PRRT3: variants seen among roughly 807,000 people sequenced by gnomAD.
PRRT3 encodes the protein proline-rich transmembrane protein 3.
In PRRT3, 48 loss-of-function variants were observed where a neutral mutation model predicts 56.6. The observed-to-expected ratio is 0.85, with a 90% CI of 0.67 to 1.08. The LOEUF is 1.08. PRRT3 is among the 50% of genes least tolerant of loss of function. The pLI is 0.00. For missense variants in PRRT3, 1,370 were observed against 1,353.1 expected (o/e 1.01, Z -0.20); for synonymous variants, 641 against 619.1 (o/e 1.04, Z -0.52).
rs940220768 is a variant in PRRT3 at position 9,949,851 on chromosome 3, C to T, written c.265G>A (p.Ala89Thr). Residue 89 changes from alanine (A) to threonine (T), a missense_variant, in exon 2 of 4, where the codon GCC becomes ACC. Coordinates refer to ENST00000412055, the MANE Select transcript of PRRT3 (RefSeq NM_207351.5). This position sits in a 1 kb window ranked among gnomAD's most constrained non-coding sequence, Gnocchi z 4.5. ...PAEEMPEKPV[A>T]SPLGPALYGP... ...TACAGGGCTGGGCCAAGGGGAGAGG[C>T]TACAGGCTTCTCAGGCATCTCTTCA... 9 of 1,613,546 alleles carry T rather than the reference C, an allele frequency of 5.6e-6. No individual in the cohort carries two copies. The African/African-American group carries it at 9.3e-5, about 17-fold the overall frequency.
intron 1 of PRRT3, among the ~76,000 whole-genome samples, chr3:9,951,834 A>G (rs2085624090): frequency 6.6e-6 from 1 of 152,226 alleles, no homozygotes; most frequent in African/African-American, 2.4e-5. Context: ...CACACAGCTG[A>G]GTGGACACAA....
chr3:9,946,075 T>A lies in PRRT3; in HGVS notation c.*152A>T, dbSNP rs7638451. The A allele has an allele frequency of 0.018, 21,256 of 1,177,240 alleles. 1,863 individuals are homozygous for A. In the African/African-American group the frequency reaches 0.23, roughly 13 times the overall value. 72.9% of individuals were successfully genotyped at this position (1,177,240 alleles called of 1,614,324 possible). A position where few individuals can be genotyped will look rare whatever the true frequency, so the allele number is the denominator to read the frequency against. On this transcript the variant is annotated 3_prime_UTR_variant, in exon 4 of 4. Transcript: ENST00000412055. This position sits in a 1 kb window ranked among gnomAD's most constrained non-coding sequence, Gnocchi z 4.1. The stretch of plus-strand genomic sequence containing the variant: ...CTGATCTCGAACTCCTGACCTCGTG[T>A]TCCACCCACCTCGGCCTCCCAAAGT...
At chr3:9,952,300 C>T (rs2085632283) in intron 1 of PRRT3, 22 bp downstream of exon 1, 1 of 152,398 alleles carries the variant, frequency 6.6e-6, no homozygotes, top group South Asian at 2.1e-4. Context: ...GCCATCGCCC[C>T]CTCCCTGGGC....
intron 1 of PRRT3, among the ~76,000 whole-genome samples, chr3:9,951,312 C>T (rs954171208): frequency 6.6e-6 from 1 of 152,114 alleles, no homozygotes; most frequent in African/African-American, 2.4e-5. Context: ...CGGCAGAGGC[C>T]CTGCTCTTTT....
At position 9,950,075 on chromosome 3, in the gene PRRT3, A is replaced by G; in HGVS notation, c.41T>C (p.Leu14Pro). 6.6e-7 allele frequency: 1 copy of G among 1,509,104 alleles called. No individual in the cohort carries two copies. The highest frequency in any genetic ancestry group is 8.8e-7 in the Non-Finnish European group (1 of 1,131,292). The allele number at this position is 1,509,104 out of a possible 1,614,324, so 93.5% of individuals were successfully genotyped here. ...SPWGCVCGLL[L>P]LLLPLLGTGP... The stretch of plus-strand genomic sequence containing the variant: ...AGTCCCCAGGAGTGGCAGCAGCAAC[A>G]GCAGAAGGCCACATACACAGCCCCA... Residue 14 changes from leucine (L) to proline (P), a missense_variant, in exon 2 of 4, where the codon CTG becomes CCG. Physicochemically the swap from Leu to Pro is moderately conservative, Grantham distance 98. Transcript: ENST00000412055.
chr3:9,949,190 T>G lies in PRRT3; in HGVS notation c.926A>C (p.Gln309Pro). ...EVSSPGPPPK[Q>P]ADLPDAKDSP... ...ATCCTTAGCGTCAGGAAGGTCAGCC[T>G]GCTTGGGCGGGGGACCTGGGGAGCT... Residue 309 changes from glutamine (Q) to proline (P), a missense_variant, in exon 2 of 4, where the codon CAG becomes CCG. By Grantham distance (76) the Gln-to-Pro change is moderately conservative (BLOSUM62 -1). Coordinates refer to ENST00000412055, the MANE Select transcript of PRRT3 (RefSeq NM_207351.5). This position sits in a 1 kb window ranked among gnomAD's most constrained non-coding sequence, Gnocchi z 4.5. 6.2e-7 allele frequency: 1 copy of G among 1,611,864 alleles called. No homozygotes were observed.
Position 9,950,190 on chromosome 3 carries a change from C to G in PRRT3, c.-57-18G>C. ...GGATGAGCCTAAAAAAAAAACAGGG[C>G]ATGGAATGACATGTGAGGGCTGGGG... On this transcript the variant is annotated intron_variant, in intron 1 of 3. Transcript: ENST00000412055. 2.4e-6 allele frequency: 3 copies of G among 1,250,878 alleles called. No individual in the cohort carries two copies. The highest frequency in any genetic ancestry group is 3.1e-6 in the Non-Finnish European group (3 of 974,630). The allele number at this position is 1,250,878 out of a possible 1,614,324, so 77.5% of individuals were successfully genotyped here. A position where few individuals can be genotyped will look rare whatever the true frequency, so the allele number is the denominator to read the frequency against.
chr3:9,949,713 C>G lies in PRRT3; in HGVS notation c.403G>C (p.Glu135Gln). The change falls in exon 2 of 4, where the codon GAG becomes CAG. Residue 135 changes from glutamate (E) to glutamine (Q), a missense_variant. Glu to Gln is a conservative substitution (Grantham distance 29). Transcript: ENST00000412055. The surrounding 1 kb of genome is among the most constrained non-coding windows in gnomAD (Gnocchi z 4.5). Reference sequence around the variant, plus strand: ...GCCACTGCTTCTTGCTGCAGAAGCTCTTGTGAGTCCAGAGGTCCTGTCCAG... The same window carrying G: ...GCCACTGCTTCTTGCTGCAGAAGCTGTTGTGAGTCCAGAGGTCCTGTCCAG... ...HGWTGPLDSQ[E>Q]LLQQEAVAPH... is the part of the protein sequence containing the mutation. 1.2e-6 allele frequency: 2 copies of G among 1,614,120 alleles called. No individual in the cohort carries two copies. Among genetic ancestry groups the G allele is most frequent in the Non-Finnish European group, 1.7e-6 (2 of 1,180,026 alleles).
At position 9,946,408 on chromosome 3, in the gene PRRT3, C is replaced by A. The variant is rs2085521038; in HGVS notation, c.2765G>T (p.Gly922Val). 1.2e-6 allele frequency: 2 copies of A among 1,606,032 alleles called. No individual in the cohort carries two copies. Among genetic ancestry groups the A allele is most frequent in the Non-Finnish European group, 1.7e-6 (2 of 1,175,608 alleles). ...GGGCAGACTGTCCACTGATGACAGCCCGTGGCGCCAGGGGTTCCAACTGAT... is the reference window on the plus strand; with the variant it reads ...GGGCAGACTGTCCACTGATGACAGCACGTGGCGCCAGGGGTTCCAACTGAT... Reference protein sequence around the residue: ...LKISWNPWRHGLSSVDSLPLD... With the variant: ...LKISWNPWRHVLSSVDSLPLD... Residue 922 changes from glycine (G) to valine (V), a missense_variant, in exon 4 of 4, where the codon GGG becomes GTG. Coordinates refer to ENST00000412055, the MANE Select transcript of PRRT3 (RefSeq NM_207351.5). This position sits in a 1 kb window ranked among gnomAD's most constrained non-coding sequence, Gnocchi z 4.1.
In PRRT3 at chr3:9,947,761, CAGG is replaced by C. The variant is rs2085553625; in HGVS notation, c.1409_1411del (p.Ser470del). On this transcript the variant is annotated inframe_deletion, in exon 4 of 4. Coordinates refer to ENST00000412055, the MANE Select transcript of PRRT3 (RefSeq NM_207351.5). The surrounding 1 kb of genome is among the most constrained non-coding windows in gnomAD (Gnocchi z 9.2). ...CCCCACCCCGTAGACGTGCAGCTCC[CAGG>C]AGAAGCTCAGGACCCGCCGAAGGGG... 2.0e-6 allele frequency: 3 copies of C among 1,506,352 alleles called. No homozygotes were observed. Among genetic ancestry groups the C allele is most frequent in the Non-Finnish European group, 2.7e-6 (3 of 1,131,636 alleles). The allele number at this position is 1,506,352 out of a possible 1,614,324, so 93.3% of individuals were successfully genotyped here. A position where few individuals can be genotyped will look rare whatever the true frequency, so the allele number is the denominator to read the frequency against.
chr3:9,946,819 C>T lies in PRRT3; in HGVS notation c.2354G>A (p.Gly785Asp), dbSNP rs2085531928. ...CACACCGTTGCGGGACAGTCCCGGG[C>T]CACCCTGGGGTCCGCGACCCAACGA... ...AASLGRGPQG[G>D]PGLSRNGVGP... Residue 785 changes from glycine (G) to aspartate (D), a missense_variant, in exon 4 of 4, where the codon GGC becomes GAC. Gly to Asp is a moderately conservative substitution (Grantham distance 94). Coordinates refer to ENST00000412055, the MANE Select transcript of PRRT3 (RefSeq NM_207351.5). The surrounding 1 kb of genome is among the most constrained non-coding windows in gnomAD (Gnocchi z 4.1). 6.5e-6 allele frequency: 10 copies of T among 1,544,328 alleles called. No individual in the cohort carries two copies. The highest frequency in any genetic ancestry group is 8.7e-6 in the Non-Finnish European group (10 of 1,151,796).
At chr3:9,950,767 T>C (rs777764068) in intron 1 of PRRT3, among the ~76,000 whole-genome samples, 11 of 152,196 alleles carry the variant, frequency 7.2e-5, no homozygotes, top group Admixed American at 3.3e-4. Flanking sequence ...CCTCCTAAAG[T>C]GCTGGGATTA....
At position 9,949,960 on chromosome 3, in the gene PRRT3, G is replaced by A. The variant is rs757366352; in HGVS notation, c.156C>T (p.Gly52=). 5.7e-6 allele frequency: 9 copies of A among 1,574,656 alleles called. No individual in the cohort carries two copies. Among genetic ancestry groups the A allele is most frequent in the South Asian group, 1.2e-5 (1 of 84,956 alleles). ...ACACGTCAAAGGCCTGGGGCTCTGA[G>A]CCCACAGAGCCCTTGGGGTGGGCTC... ...IPGAHPKGSV[G]SEPQAFDVFP... Residue 52 remains glycine (G), a synonymous_variant, in exon 2 of 4, where the codon GGC becomes GGT. Coordinates refer to ENST00000412055, the MANE Select transcript of PRRT3 (RefSeq NM_207351.5). This position sits in a 1 kb window ranked among gnomAD's most constrained non-coding sequence, Gnocchi z 4.5.
Position 9,949,430 on chromosome 3 carries a change from A to G in PRRT3, c.686T>C (p.Phe229Ser). 3 of 1,614,052 alleles carry G rather than the reference A, an allele frequency of 1.9e-6. No homozygotes were observed. The East Asian group carries it at 6.7e-5, about 36-fold the overall frequency. The stretch of plus-strand genomic sequence containing the variant: ...AGCTGCCTCCTGCAAGTGTTCCTCA[A>G]ACCCACCCTGTCCTTCCAGCACTGG... ...KRPVLEGQGG[F>S]EEHLQEAAQG... The change falls in exon 2 of 4, where the codon TTT becomes TCT. Residue 229 changes from phenylalanine to serine, a missense_variant. Physicochemically the swap from Phe to Ser is radical, Grantham distance 155 (BLOSUM62 -2). Coordinates refer to ENST00000412055, the MANE Select transcript of PRRT3 (RefSeq NM_207351.5). The surrounding 1 kb of genome is among the most constrained non-coding windows in gnomAD (Gnocchi z 4.5).
intron 1 of PRRT3, among the ~76,000 whole-genome samples, chr3:9,951,033 A>C (rs1453702094): frequency 6.6e-6 from 1 of 152,156 alleles, no homozygotes. Context: ...CGAGGTTCAT[A>C]CCTGATGCTT....
At position 9,949,290 on chromosome 3, in the gene PRRT3, T is replaced by C. The variant is rs770654020; in HGVS notation, c.826A>G (p.Arg276Gly). ...PGAQPDLALA[R>G]SLPPAEELPV... ...AGCTCCTCAGCAGGAGGAAGGCTTC[T>C]GGCCAATGCCAAGTCTGGCTGGGCC... The change falls in exon 2 of 4, where the codon AGA (arginine) becomes GGA (glycine). Residue 276 changes from arginine (R) to glycine (G), a missense_variant. Coordinates refer to ENST00000412055, the MANE Select transcript of PRRT3 (RefSeq NM_207351.5). This position sits in a 1 kb window ranked among gnomAD's most constrained non-coding sequence, Gnocchi z 4.5. 6.2e-7 allele frequency: 1 copy of C among 1,611,528 alleles called. No individual in the cohort carries two copies. The highest frequency in any genetic ancestry group is 8.5e-7 in the Non-Finnish European group (1 of 1,178,288).
At position 9,947,072 on chromosome 3, in the gene PRRT3, C is replaced by A. The variant is rs1300469696; in HGVS notation, c.2101G>T (p.Ala701Ser). The A allele has an allele frequency of 3.3e-5, 50 of 1,533,878 alleles. No individual in the cohort carries two copies. The highest frequency in any genetic ancestry group is 4.2e-5 in the Non-Finnish European group (48 of 1,144,836). ...LALALAAVAA[A>S]RPRPPTEHAC... ...TGCTCCGTGGGCGGCCTGGGTCTCG[C>A]GGCAGCCACCGCGGCCAACGCCAGG... The change falls in exon 4 of 4, where the codon GCG becomes TCG. Residue 701 changes from alanine (A) to serine (S), a missense_variant. Coordinates refer to ENST00000412055, the MANE Select transcript of PRRT3 (RefSeq NM_207351.5). This position sits in a 1 kb window ranked among gnomAD's most constrained non-coding sequence, Gnocchi z 9.2.
intron 1 of PRRT3, 39 bp from the exon 2 acceptor site, chr3:9,950,211 T>G: frequency 8.8e-7 from 1 of 1,141,712 alleles, no homozygotes; most frequent in South Asian, 4.0e-5. Flanking sequence ...ATGTGAGGGC[T>G]GGGGGCCCCC....
Position 9,946,281 on chromosome 3 carries a change from C to A in PRRT3, c.2892G>T (p.Pro964=). The A allele has an allele frequency of 1.2e-6, 2 of 1,612,654 alleles. No homozygotes were observed. The highest frequency in any genetic ancestry group is 1.7e-6 in the Non-Finnish European group (2 of 1,179,830). ...RQGDGQGEVQ[P]RGKPGESRSA... ...TGCGGGATTCCCCAGGCTTGCCGCG[C>A]GGCTGGACCTCTCCCTGGCCGTCCC... Residue 964 remains proline (P), a synonymous_variant, in exon 4 of 4, where the codon CCG becomes CCT. Coordinates refer to ENST00000412055, the MANE Select transcript of PRRT3 (RefSeq NM_207351.5). The surrounding 1 kb of genome is among the most constrained non-coding windows in gnomAD (Gnocchi z 4.1).
Sources: gnomAD v4.1 joint callset for allele counts (sites outside exome capture counted in the v4.1 genomes callset) on GRCh38, gnomAD v4.1.1 for gene constraint, Gnocchi (gnomAD v3.1) non-coding constraint, MANE v1.5 for transcripts, NCBI Gene and HGNC (gene_info 2026-07-23, HGNC 2026-07-21) for gene names.